RBFOX1: variants seen among roughly 807,000 people sequenced by gnomAD.
The protein encoded by RBFOX1 is RNA binding protein fox-1 homolog 1.
In RBFOX1, 8 loss-of-function variants were observed where a neutral mutation model predicts 57.7. The observed-to-expected ratio is 0.14, with a 90% CI of 0.08 to 0.25. The LOEUF is 0.25. Among genes scored for constraint, RBFOX1 ranks in the 10% least tolerant of loss-of-function variants. The pLI is 1.00. For missense variants in RBFOX1, 611 were observed against 548.5 expected (o/e 1.11, Z -1.14); for synonymous variants, 326 against 222.4 (o/e 1.47, Z -4.15).
chr16:5,599,885 G>A (rs1038125025), exon 3 of RBFOX1: 2 of 152,452 alleles, frequency 1.3e-5, no homozygotes, highest in Non-Finnish European at 1.5e-5. Flanking sequence ...AGATGTTCAT[G>A]GCTAGGCCTA....
intron 3 of RBFOX1, among the ~76,000 whole-genome samples, chr16:6,670,123 G>C (rs1169644927): frequency 6.6e-6 from 1 of 152,138 alleles, no homozygotes; most frequent in Non-Finnish European, 1.5e-5. Flanking sequence ...CTGGGCACAA[G>C]TAGTTATATA....
intron 4 of RBFOX1, among the ~76,000 whole-genome samples, chr16:7,473,684 G>C (rs937563854): frequency 2.6e-5 from 4 of 151,716 alleles, no homozygotes; most frequent in Non-Finnish European, 5.9e-5. Context: ...AAAAGAAAGA[G>C]AGAGAATGTG....
intron 4 of RBFOX1, among the ~76,000 whole-genome samples, chr16:7,397,937 T>C (rs1206202909): frequency 6.6e-6 from 1 of 152,168 alleles, no homozygotes; most frequent in East Asian, 1.9e-4. Flanking sequence ...CTCTTAAATT[T>C]CTCGGCTCAG....
At chr16:6,584,099 A>G (rs1355575629) in intron 2 of RBFOX1, among the ~76,000 whole-genome samples, 1 of 151,964 alleles carries the variant, frequency 6.6e-6, no homozygotes, top group Non-Finnish European at 1.5e-5. Context: ...CCATTCAGAA[A>G]GAAACGTAAC....
intron 3 of RBFOX1, among the ~76,000 whole-genome samples, chr16:5,827,835 A>G (rs1267526267): frequency 1.3e-5 from 2 of 151,672 alleles, no homozygotes; most frequent in African/African-American, 2.4e-5. Flanking sequence ...CCACCTGGCC[A>G]TCCATCCATC....
In RBFOX1 at chr16:7,374,579, C is replaced by G. The variant is rs34452634; in HGVS notation, c.28-143568C>G. Among the ~76,000 whole-genome samples, 1,461 of 152,192 alleles carry G rather than the reference C, an allele frequency of 9.6e-3. 16 individuals carry two copies. Among genetic ancestry groups the G allele is most frequent in the Non-Finnish European group, 0.017 (1,137 of 68,016 alleles). ...CCTAACCCCACCCCCACATTTTTAA[C>G]CTGACAGGAAGATTAATCTGCATGA... On this transcript the variant is annotated intron_variant, in intron 4 of 15. Transcript: ENST00000550418.
chr16:7,063,437 C>T (rs993454227), intron 4 of RBFOX1, among the ~76,000 whole-genome samples: 1 of 152,126 alleles, frequency 6.6e-6, no homozygotes, highest in African/African-American at 2.4e-5. Context: ...TCAGAGTACC[C>T]TTCAAAGGCC....
intron 2 of RBFOX1, among the ~76,000 whole-genome samples, chr16:6,529,094 G>T (rs1037480941): frequency 1.3e-5 from 2 of 152,082 alleles, no homozygotes; most frequent in African/African-American, 4.8e-5. Context: ...CCAAATTCTA[G>T]CTGCCACCTT....
intron 1 of RBFOX1, among the ~76,000 whole-genome samples, chr16:6,176,406 G>A (rs532042355): frequency 5.6e-5 from 8 of 142,490 alleles, no homozygotes; most frequent in East Asian, 2.2e-4. Flanking sequence ...TCATCCGCCC[G>A]CCTCAGCCTC....
At chr16:7,515,746 A>G (rs1311707102) in intron 4 of RBFOX1, among the ~76,000 whole-genome samples, 1 of 152,198 alleles carries the variant, frequency 6.6e-6, no homozygotes, top group Non-Finnish European at 1.5e-5. Flanking sequence ...ACTGGGACTC[A>G]GTAGAAACCT....
chr16:5,399,746 A>T (rs1454521354), intron 1 of RBFOX1, among the ~76,000 whole-genome samples: 100 of 130,338 alleles, frequency 7.7e-4, no homozygotes, highest in Middle Eastern at 3.6e-3. Flanking sequence ...AAAAAAAAAA[A>T]TTTTTTTTTT....
chr16:5,432,889 G>A (rs1338818461), intron 1 of RBFOX1, among the ~76,000 whole-genome samples: 2 of 152,046 alleles, frequency 1.3e-5, no homozygotes, highest in South Asian at 4.2e-4. Context: ...AGGTTCAGGT[G>A]ATCCTCCCAT....
At chr16:6,261,828 T>G (rs1220238454) in intron 1 of RBFOX1, among the ~76,000 whole-genome samples, 1 of 151,524 alleles carries the variant, frequency 6.6e-6, no homozygotes, top group Non-Finnish European at 1.5e-5. Context: ...AAACCCCGTC[T>G]TTACTAAAAA....
intron 3 of RBFOX1, among the ~76,000 whole-genome samples, chr16:6,768,453 C>T (rs968161494): frequency 3.3e-5 from 5 of 151,532 alleles, no homozygotes; most frequent in Non-Finnish European, 5.9e-5. Flanking sequence ...AGGGAAAATT[C>T]CCCCCCAGCC....
rs188819964 is a variant in RBFOX1, at chr16:6,677,338, A to G, written c.-16+22688A>G. 6.6e-5 allele frequency among the ~76,000 whole-genome samples: 10 copies of G among 152,312 alleles called. No homozygotes were observed. The East Asian group carries it at 1.9e-3, about 29-fold the overall frequency. On this transcript the variant is annotated intron_variant, in intron 3 of 15. Transcript: ENST00000550418. ...GGCCCTTTTGTAACACTGAACTGAT[A>G]TATCTCCATAGATACAAACACACAT...
At position 6,450,765 on chromosome 16, in the gene RBFOX1, GTGTATATATATATATATATATATACATA is replaced by G. The variant is rs2094575493; in HGVS notation, c.-64+133710_-64+133737del. Among the ~76,000 whole-genome samples, 3 of 19,442 alleles carry G rather than the reference GTGTATATATATATATATATATATACATA, an allele frequency of 1.5e-4. 1 individual carries two copies. The highest frequency in any genetic ancestry group is 3.9e-3 in the South Asian group (2 of 518). The allele number at this position is 19,442 out of a possible 152,430, so 12.8% of individuals were successfully genotyped here. On this transcript the variant is annotated intron_variant, in intron 2 of 15. Coordinates refer to ENST00000550418, the MANE Select transcript of RBFOX1 (RefSeq NM_018723.4). ...TTTATATATATATACATATATATATGTGTATATATATATATATATATATACATATATATATGTATATATATATATATAC... is the reference window on the plus strand; with the variant it reads ...TTTATATATATATACATATATATATGTATATATGTATATATATATATATAC...
At chr16:6,167,533 C>G (rs1016224956) in intron 1 of RBFOX1, among the ~76,000 whole-genome samples, 5 of 152,146 alleles carry the variant, frequency 3.3e-5, no homozygotes, top group African/African-American at 1.2e-4. Flanking sequence ...TGGGGACTGA[C>G]AAATTTTTGG....
intron 3 of RBFOX1, among the ~76,000 whole-genome samples, chr16:6,973,000 A>T (rs540921857): frequency 2.8e-4 from 42 of 152,180 alleles, no homozygotes; most frequent in African/African-American, 8.7e-4. Flanking sequence ...GCACGGTGGT[A>T]GGCACCTGTA....
At chr16:6,909,930 C>A (rs1027839721) in intron 3 of RBFOX1, among the ~76,000 whole-genome samples, 1 of 151,826 alleles carries the variant, frequency 6.6e-6, no homozygotes, top group Non-Finnish European at 1.5e-5. Flanking sequence ...CTTTTTTTTG[C>A]TTAGCAAACT....
Sources: gnomAD v4.1 joint callset for allele counts (sites outside exome capture counted in the v4.1 genomes callset) on GRCh38, gnomAD v4.1.1 for gene constraint, MANE v1.5 for transcripts, NCBI Gene and HGNC (gene_info 2026-07-23, HGNC 2026-07-21) for gene names.